Variants in PICALM observed in about 807,000 individuals in gnomAD.
PICALM encodes the protein phosphatidylinositol-binding clathrin assembly protein.
Under a neutral mutation model 80.5 loss-of-function variants are expected in PICALM, and 40 were observed. The observed-to-expected ratio is 0.50, with a 90% CI of 0.39 to 0.65. The LOEUF (loss-of-function observed/expected upper bound fraction) is 0.65, where lower values mean the gene tolerates loss of function less well. PICALM is among the 30% of genes least tolerant of loss of function. PICALM has a pLI of 0.00. For synonymous variants in PICALM, 288 were observed against 260.3 expected (o/e 1.11, Z -1.02); for missense variants, 676 against 778.9 (o/e 0.87, Z 1.57).
chr11:85,964,351 A>G (rs1565200554), intron 19 of PICALM, among the ~76,000 whole-genome samples: 1 of 152,200 alleles, frequency 6.6e-6, no homozygotes, highest in Non-Finnish European at 1.5e-5. Flanking sequence ...TCATTGGCAA[A>G]ATCAACCTCT....
chr11:86,047,349 G>A (rs2096091603), intron 1 of PICALM, among the ~76,000 whole-genome samples: 1 of 152,182 alleles, frequency 6.6e-6, no homozygotes, highest in African/African-American at 2.4e-5. Flanking sequence ...CTTCTTTGTG[G>A]CTACAATGAA....
At chr11:86,011,766 T>A (rs1346146376) in intron 6 of PICALM, among the ~76,000 whole-genome samples, 1 of 152,160 alleles carries the variant, frequency 6.6e-6, no homozygotes, top group African/African-American at 2.4e-5. Flanking sequence ...GAAAACAATA[T>A]TCTTCTGGGA....
At chr11:86,047,366 T>G (rs185748116) in intron 1 of PICALM, among the ~76,000 whole-genome samples, 17 of 152,244 alleles carry the variant, frequency 1.1e-4, no homozygotes, top group Non-Finnish European at 1.9e-4. Context: ...TGAACTAAAG[T>G]TGACAGACTA....
intron 1 of PICALM, among the ~76,000 whole-genome samples, chr11:86,046,574 T>G (rs564946003): frequency 1.3e-5 from 2 of 152,350 alleles, no homozygotes; most frequent in Admixed American, 6.5e-5. Context: ...CAATACACTG[T>G]CATGAAAATA....
intron 2 of PICALM, among the ~76,000 whole-genome samples, chr11:86,028,261 T>C (rs1410508930): frequency 6.6e-6 from 1 of 152,208 alleles, no homozygotes; most frequent in Non-Finnish European, 1.5e-5. Context: ...CAGGTTCCCA[T>C]TTTGGGTCAT....
At chr11:86,016,408 A>G (rs2095482268) in intron 4 of PICALM, among the ~76,000 whole-genome samples, 1 of 152,222 alleles carries the variant, frequency 6.6e-6, no homozygotes, top group African/African-American at 2.4e-5. Context: ...GGTAAAAACT[A>G]TTTGACCTCA....
intron 2 of PICALM, among the ~76,000 whole-genome samples, chr11:86,030,912 C>A (rs952840316): frequency 1.6e-4 from 25 of 152,044 alleles, no homozygotes; most frequent in African/African-American, 6.0e-4. Flanking sequence ...CCCAGAAGTT[C>A]AAGACCAGCC....
intron 1 of PICALM, among the ~76,000 whole-genome samples, chr11:86,066,117 G>A (rs760541720): frequency 6.6e-6 from 1 of 152,098 alleles, no homozygotes; most frequent in Non-Finnish European, 1.5e-5. Flanking sequence ...CTGTATTAAA[G>A]CCTAAAGTTC....
chr11:86,052,722 T>C (rs1424528587), intron 1 of PICALM, among the ~76,000 whole-genome samples: 1 of 152,238 alleles, frequency 6.6e-6, no homozygotes, highest in Non-Finnish European at 1.5e-5. Context: ...GCTCTAACTA[T>C]GGTCCAACTT....
intron 1 of PICALM, among the ~76,000 whole-genome samples, chr11:86,065,791 AT>A (rs2096439711): frequency 6.6e-6 from 1 of 152,236 alleles, no homozygotes; most frequent in African/African-American, 2.4e-5. Context: ...AAGCAAAAAA[AT>A]CTTTCTTCAG....
At chr11:86,012,698 G>A (rs1223161584) in intron 5 of PICALM, among the ~76,000 whole-genome samples, 1 of 151,860 alleles carries the variant, frequency 6.6e-6, no homozygotes, top group Non-Finnish European at 1.5e-5. Flanking sequence ...TTAATTCTAA[G>A]TTCTTTTTTA....
intron 12 of PICALM, among the ~76,000 whole-genome samples, chr11:85,993,562 C>T (rs2094861366): frequency 6.6e-6 from 1 of 150,422 alleles, no homozygotes; most frequent in African/African-American, 2.4e-5. Context: ...CCTCAGCTTC[C>T]CGAGTAGCTG....
intron 19 of PICALM, among the ~76,000 whole-genome samples, chr11:85,965,814 T>C (rs1448074966): frequency 2.1e-5 from 1 of 46,792 alleles, no homozygotes; most frequent in Non-Finnish European, 3.7e-5. Context: ...TTTGTTTTTT[T>C]GTTTTTTTTT....
chr11:86,030,615 G>C (rs1256709190), intron 2 of PICALM, among the ~76,000 whole-genome samples: 1 of 152,176 alleles, frequency 6.6e-6, no homozygotes, highest in Non-Finnish European at 1.5e-5. Flanking sequence ...GGCTATCACG[G>C]AAAGTAAGAT....
At chr11:86,038,362 G>C (rs575124483) in intron 1 of PICALM, among the ~76,000 whole-genome samples, 62 of 152,008 alleles carry the variant, frequency 4.1e-4, no homozygotes, top group African/African-American at 1.5e-3. Flanking sequence ...AATAAGAGTT[G>C]CATGGTAAAG....
intron 13 of PICALM, 30 bp from the exon 14 acceptor site, chr11:85,984,003 A>G (rs1466093778): frequency 1.0e-6 from 1 of 958,158 alleles, no homozygotes; most frequent in Admixed American, 1.9e-5. Flanking sequence ...AAAAAGCTCA[A>G]TTATTTAATA....
intron 3 of PICALM, among the ~76,000 whole-genome samples, chr11:86,024,184 T>C (rs999085241): frequency 4.6e-5 from 7 of 151,984 alleles, no homozygotes; most frequent in African/African-American, 7.2e-5. Context: ...AAAAAAATTT[T>C]TTTTTCAAGA....
intron 6 of PICALM, among the ~76,000 whole-genome samples, chr11:86,011,490 T>A (rs1221317418): frequency 6.6e-6 from 1 of 152,248 alleles, no homozygotes; most frequent in Non-Finnish European, 1.5e-5. Flanking sequence ...TTATCTAAGA[T>A]AACAACTTTA....
At chr11:86,018,652 G>C (rs1342678355) in intron 4 of PICALM, among the ~76,000 whole-genome samples, 5 of 152,140 alleles carry the variant, frequency 3.3e-5, no homozygotes, top group Non-Finnish European at 5.9e-5. Flanking sequence ...ACTTTGGGAG[G>C]CCGAGACAGG....
Sources: allele counts gnomAD v4.1 joint callset (sites outside exome capture counted in the v4.1 genomes callset), GRCh38; gene constraint gnomAD v4.1.1; transcripts MANE v1.5; gene names NCBI Gene and HGNC (gene_info 2026-07-23, HGNC 2026-07-21).